Variants in OTUD7A observed in about 807,000 individuals in gnomAD.
OTUD7A encodes the protein OTU domain-containing protein 7A.
OTUD7A carries 12 observed loss-of-function variants against 65.7 expected under a neutral mutation model. The observed-to-expected ratio is 0.18, with a 90% CI of 0.12 to 0.30. The LOEUF (loss-of-function observed/expected upper bound fraction) is 0.30, where lower values mean the gene tolerates loss of function less well. OTUD7A is among the 10% of genes least tolerant of loss of function. The pLI, the probability that OTUD7A is intolerant of heterozygous loss-of-function variation, is 1.00. For synonymous variants in OTUD7A, 641 were observed against 586.3 expected (o/e 1.09, Z -1.35); for missense variants, 1,148 against 1,304.8 (o/e 0.88, Z 1.85).
intron 6 of OTUD7A, 115 bp downstream of exon 6, chr15:31,530,592 G>A (rs2042073009): frequency 2.2e-6 from 2 of 922,368 alleles, no homozygotes; most frequent in African/African-American, 1.7e-5. Context: ...ACAGTGACAT[G>A]GGTGACTCTA....
intron 3 of OTUD7A, among the ~76,000 whole-genome samples, chr15:31,651,358 G>T (rs1319001868): frequency 1.3e-4 from 19 of 151,248 alleles, no homozygotes; most frequent in Admixed American, 2.6e-4. Flanking sequence ...AAAACCTATA[G>T]CCAACATTCT....
At chr15:31,593,703 G>A (rs998128001) in intron 3 of OTUD7A, among the ~76,000 whole-genome samples, 2 of 152,056 alleles carry the variant, frequency 1.3e-5, no homozygotes, top group Admixed American at 1.3e-4. Flanking sequence ...TAGTCCAGCG[G>A]GGGGGACTTT....
intron 1 of OTUD7A, among the ~76,000 whole-genome samples, chr15:31,866,507 A>G (rs976165882): frequency 2.6e-5 from 4 of 152,188 alleles, no homozygotes; most frequent in African/African-American, 4.8e-5. Context: ...CACCATTCCA[A>G]AAGTGTGATG....
Position 31,647,302 on chromosome 15 carries a change from A to G in OTUD7A, c.151+7794T>C, listed in dbSNP as rs1372861480. On this transcript the variant is annotated intron_variant, in intron 3 of 12. Coordinates refer to ENST00000307050, the MANE Select transcript of OTUD7A (RefSeq NM_001382637.1). ...CCATGGCAGTCCTCTAATCGCACAC[A>G]CTTGAAAACGCCAGAGCCGTGAATT... is the stretch of plus-strand genomic sequence containing the variant. Among the ~76,000 whole-genome samples the G allele has an allele frequency of 3.3e-5, 5 of 152,352 alleles. No homozygotes were observed. In the East Asian group the frequency reaches 7.7e-4, roughly 24 times the overall value.
At chr15:31,610,383 G>A (rs1310055976) in intron 3 of OTUD7A, among the ~76,000 whole-genome samples, 2 of 151,724 alleles carry the variant, frequency 1.3e-5, no homozygotes, top group African/African-American at 2.4e-5. Context: ...CACTGACAGC[G>A]CTAGACAGGT....
chr15:31,560,996 T>TAA (rs1888669510), intron 4 of OTUD7A, among the ~76,000 whole-genome samples: 1 of 152,256 alleles, frequency 6.6e-6, no homozygotes. Flanking sequence ...TATGGCAAGT[T>TAA]AGTTTTAAAT....
At chr15:31,768,186 C>T (rs953242108) in intron 1 of OTUD7A, 6 of 1,281,136 alleles carry the variant, frequency 4.7e-6, no homozygotes, top group Non-Finnish European at 6.8e-6. Flanking sequence ...CCGGGAGGCA[C>T]AACCCGACTC....
At chr15:31,781,555 T>C (rs542759487) in intron 1 of OTUD7A, among the ~76,000 whole-genome samples, 7 of 152,354 alleles carry the variant, frequency 4.6e-5, no homozygotes, top group African/African-American at 1.7e-4. Context: ...CACCAATGTA[T>C]ACATCTTCAA....
At chr15:31,861,024 T>G (rs1451098290) in intron 1 of OTUD7A, among the ~76,000 whole-genome samples, 1 of 151,662 alleles carries the variant, frequency 6.6e-6, no homozygotes, top group Non-Finnish European at 1.5e-5. Flanking sequence ...CAGCCAGAGA[T>G]AAATATTTTT....
intron 3 of OTUD7A, among the ~76,000 whole-genome samples, chr15:31,644,009 G>C (rs1043903304): frequency 1.3e-5 from 2 of 152,180 alleles, no homozygotes; most frequent in African/African-American, 4.8e-5. Context: ...GGTACCTGGG[G>C]CCAGGTGTGT....
intron 3 of OTUD7A, among the ~76,000 whole-genome samples, chr15:31,618,501 GT>G (rs1890667938): frequency 6.6e-6 from 1 of 152,110 alleles, no homozygotes; most frequent in African/African-American, 2.4e-5. Context: ...TCTCGTTGTG[GT>G]TTTGATTTGC....
intron 1 of OTUD7A, among the ~76,000 whole-genome samples, chr15:31,752,891 G>C (rs1351289911): frequency 6.6e-6 from 1 of 152,096 alleles, no homozygotes; most frequent in Non-Finnish European, 1.5e-5. Context: ...CATGGAAAAG[G>C]GGGCCAGTTC....
At chr15:31,721,932 G>A (rs1893750515) in intron 1 of OTUD7A, among the ~76,000 whole-genome samples, 1 of 152,244 alleles carries the variant, frequency 6.6e-6, no homozygotes, top group Admixed American at 6.5e-5. Context: ...TGCAGCATCT[G>A]GCTCGAAGTC....
intron 4 of OTUD7A, among the ~76,000 whole-genome samples, chr15:31,560,675 C>T (rs964659883): frequency 1.3e-4 from 20 of 152,188 alleles, no homozygotes; most frequent in Admixed American, 1.3e-3. Flanking sequence ...CAAAAGCCTG[C>T]TGCCTGTGTT....
chr15:31,611,154 A>G (rs1407220390), intron 3 of OTUD7A, among the ~76,000 whole-genome samples: 1 of 152,022 alleles, frequency 6.6e-6, no homozygotes, highest in Non-Finnish European at 1.5e-5. Flanking sequence ...ATAGCAAAGG[A>G]GGTGCTAAGA....
chr15:31,715,408 A>G (rs1006336323), intron 1 of OTUD7A, among the ~76,000 whole-genome samples: 1 of 151,336 alleles, frequency 6.6e-6, no homozygotes. Flanking sequence ...GAGCTTCCAC[A>G]GTGCTTCCCT....
intron 1 of OTUD7A, among the ~76,000 whole-genome samples, chr15:31,748,346 AATAT>A (rs1474536753): frequency 1.3e-5 from 2 of 151,862 alleles, no homozygotes; most frequent in African/African-American, 4.8e-5. Context: ...CACACATATA[AATAT>A]ATATTCATAA....
intron 1 of OTUD7A, among the ~76,000 whole-genome samples, chr15:31,688,424 C>G (rs1017423165): frequency 6.6e-6 from 1 of 151,956 alleles, no homozygotes; most frequent in African/African-American, 2.4e-5. Flanking sequence ...TCAGACTCTT[C>G]AAAGACGTCA....
chr15:31,483,801 C>CGGGGCTGCGGCCAGGG lies in OTUD7A; in HGVS notation c.2294_2295insCCCTGGCCGCAGCCCC (p.Pro771AlafsTer119). On this transcript the variant is annotated frameshift_variant, in exon 13 of 13. Transcript: ENST00000307050. LOFTEE classifies it high-confidence loss of function. ...CTGGCGCCGGGGGGCTGCGGCCAGG[C>CGGGGCTGCGGCCAGGG]ACTGGTCCGCTGGCGCTCGCACGCC... The CGGGGCTGCGGCCAGGG allele has an allele frequency of 2.0e-6, 2 of 1,024,110 alleles. No individual in the cohort carries two copies. Among genetic ancestry groups the CGGGGCTGCGGCCAGGG allele is most frequent in the Non-Finnish European group, 2.3e-6 (2 of 857,740 alleles). 63.4% of individuals were successfully genotyped at this position (1,024,110 alleles called of 1,614,324 possible). A position where few individuals can be genotyped will look rare whatever the true frequency, so the allele number is the denominator to read the frequency against.
Sources: allele counts gnomAD v4.1 joint callset (sites outside exome capture counted in the v4.1 genomes callset), GRCh38; gene constraint gnomAD v4.1.1; transcripts MANE v1.5; gene names NCBI Gene and HGNC (gene_info 2026-07-23, HGNC 2026-07-21).